HAUS1: variants seen among roughly 807,000 people sequenced by gnomAD.
HAUS1 encodes HAUS augmin like complex subunit 1.
Under a neutral mutation model 38.6 loss-of-function variants are expected in HAUS1, and 25 were observed. The observed-to-expected ratio is 0.65, with a 90% confidence interval of 0.47 to 0.91. The LOEUF (loss-of-function observed/expected upper bound fraction) is 0.91. HAUS1 is among the 40% of genes least tolerant of loss of function. HAUS1 has a pLI of 0.00. For synonymous variants in HAUS1, 109 were observed against 112.9 expected, an observed-to-expected ratio of 0.97 and a Z score of 0.22; for missense variants, 325 against 328.4, an observed-to-expected ratio of 0.99 and a Z score of 0.08.
At chr18:46,124,449 G>GGT (rs1912041314) in intron 6 of HAUS1, among the ~76,000 whole-genome samples, 1 of 150,538 alleles carries the variant, frequency 6.6e-6, no homozygotes, top group African/African-American at 2.5e-5. Context: ...AGCCAGGCAT[G>GGT]GTGGTGCACG....
chr18:46,105,755 T>TA (rs1911454885), intron 2 of HAUS1, among the ~76,000 whole-genome samples: 1 of 151,986 alleles, frequency 6.6e-6, no homozygotes, highest in Non-Finnish European at 1.5e-5. Context: ...CTAATTTTTG[T>TA]GTTTTAGTAA....
At chr18:46,106,351 T>C (rs776019036) in intron 2 of HAUS1, among the ~76,000 whole-genome samples, 1 of 151,756 alleles carries the variant, frequency 6.6e-6, no homozygotes, top group Non-Finnish European at 1.5e-5. Flanking sequence ...CGCCTGTAGT[T>C]CCAGCTGCTC....
At chr18:46,120,957 TAA>T (rs1401736649) in intron 4 of HAUS1, among the ~76,000 whole-genome samples, 1 of 152,182 alleles carries the variant, frequency 6.6e-6, no homozygotes, top group Non-Finnish European at 1.5e-5. Flanking sequence ...TTCTTATACT[TAA>T]AGTCACATTA....
intron 4 of HAUS1, chr18:46,121,847 T>A (rs1179018364): frequency 6.6e-6 from 1 of 151,464 alleles, no homozygotes; most frequent in African/African-American, 2.4e-5. Context: ...TATTTTATTA[T>A]TTTTTTTTAT....
intron 2 of HAUS1, among the ~76,000 whole-genome samples, chr18:46,111,119 C>T (rs191976122): frequency 6.7e-4 from 101 of 151,852 alleles, no homozygotes; most frequent in East Asian, 2.7e-3. Context: ...CCATCCACCT[C>T]GGCCTCTCAA....
At position 46,120,063 on chromosome 18, in the gene HAUS1, A is replaced by G. The variant is rs1911896364; in HGVS notation, c.476+3A>G. The G allele has an allele frequency of 1.9e-6, 3 of 1,584,960 alleles. No homozygotes were observed. The highest frequency in any genetic ancestry group is 1.4e-5 in the African/African-American group (1 of 73,782). ...GTATTAGAAAAATGTCTACAAGAGT[A>G]AGTAATTGAGTTCAGAGTGGTGACA... On this transcript the variant is annotated splice_donor_region_variant and intron_variant, in intron 4 of 8. Transcript: ENST00000282058.
intron 2 of HAUS1, among the ~76,000 whole-genome samples, chr18:46,108,394 C>T (rs1201655603): frequency 6.6e-6 from 1 of 151,648 alleles, no homozygotes; most frequent in African/African-American, 2.4e-5. Flanking sequence ...GCCTCACCCT[C>T]CCAAAGTGCT....
At chr18:46,104,514 T>C (rs1911398231) in intron 1 of HAUS1, 73 bp downstream of exon 1, 1 of 1,266,136 alleles carries the variant, frequency 7.9e-7, no homozygotes, top group Admixed American at 3.1e-5. Context: ...CGACAGCGGG[T>C]CTCCTGTGCG....
Position 46,112,913 on chromosome 18 carries a change from ATATATAATGTG to A in HAUS1, c.206-5261_206-5251del, listed in dbSNP as rs1260799010. Among the ~76,000 whole-genome samples the A allele has an allele frequency of 3.3e-4, 37 of 113,720 alleles. 2 individuals carry two copies. Among genetic ancestry groups the A allele is most frequent in the African/African-American group, 1.3e-3 (35 of 26,626 alleles). 74.6% of individuals were successfully genotyped at this position (113,720 alleles called of 152,430 possible). A position where few individuals can be genotyped will look rare whatever the true frequency, so the allele number is the denominator to read the frequency against. On this transcript the variant is annotated intron_variant, in intron 2 of 8. Coordinates refer to ENST00000282058, the MANE Select transcript of HAUS1 (RefSeq NM_138443.4). ...ATATATTCCATATTATATATATAAT[ATATATAATGTG>A]TATATATTCCATATAATATATATAA...
intron 2 of HAUS1, among the ~76,000 whole-genome samples, chr18:46,116,137 A>G (rs140932872): frequency 2.6e-5 from 4 of 152,058 alleles, no homozygotes; most frequent in Admixed American, 2.0e-4. Context: ...GGGAGGGGGA[A>G]AAAGGAAAGA....
intron 2 of HAUS1, among the ~76,000 whole-genome samples, chr18:46,105,941 G>A (rs1234172486): frequency 6.6e-6 from 1 of 152,096 alleles, no homozygotes. Context: ...TACTCTGATA[G>A]CAAAACAGTA....
chr18:46,121,080 G>A (rs780568618), intron 4 of HAUS1, among the ~76,000 whole-genome samples: 2 of 152,138 alleles, frequency 1.3e-5, no homozygotes, highest in Admixed American at 6.6e-5. Context: ...AGGAGTATGT[G>A]TATATATGCA....
intron 7 of HAUS1, among the ~76,000 whole-genome samples, chr18:46,125,311 G>A (rs915644523): frequency 5.9e-5 from 9 of 151,894 alleles, no homozygotes; most frequent in Non-Finnish European, 8.8e-5. Context: ...AGCACTTTGG[G>A]AGGCCGAGAC....
chr18:46,105,948 A>T (rs1054018499), intron 2 of HAUS1, among the ~76,000 whole-genome samples: 5 of 152,228 alleles, frequency 3.3e-5, no homozygotes, highest in Admixed American at 1.3e-4. Context: ...ATAGCAAAAC[A>T]GTAAGCCTTA....
intron 3 of HAUS1, among the ~76,000 whole-genome samples, chr18:46,119,329 A>G (rs1051681315): frequency 6.9e-6 from 1 of 145,824 alleles, no homozygotes; most frequent in Non-Finnish European, 1.5e-5. Flanking sequence ...CTTGAATTAA[A>G]TAAGTTCAGC....
chr18:46,125,825 TA>T, intron 8 of HAUS1, 34 bp downstream of exon 8: 2 of 1,411,506 alleles, frequency 1.4e-6, no homozygotes, highest in Non-Finnish European at 2.0e-6. Flanking sequence ...CAGATTTTTT[TA>T]AAAAGAAAAT....
Position 46,118,206 on chromosome 18 carries a change from G to A in HAUS1, c.231G>A (p.Met77Ile). Residue 77 changes from methionine (M) to isoleucine (I), a missense_variant, in exon 3 of 9, where the codon ATG becomes ATA. Coordinates refer to ENST00000282058, the MANE Select transcript of HAUS1 (RefSeq NM_138443.4). ...CCAAGTATCTTCAAGACCTTCTCAT[G>A]GAGAGTGTGAATTTTTCCCCCGCCA... Reference protein sequence around the residue: ...SEAKYLQDLLMESVNFSPANL... With the variant: ...SEAKYLQDLLIESVNFSPANL... The A allele has an allele frequency of 6.2e-7, 1 of 1,612,090 alleles. No individual in the cohort carries two copies. Among genetic ancestry groups the A allele is most frequent in the Non-Finnish European group, 8.5e-7 (1 of 1,179,860 alleles).
At chr18:46,106,375 C>A (rs1453492697) in intron 2 of HAUS1, among the ~76,000 whole-genome samples, 1 of 151,210 alleles carries the variant, frequency 6.6e-6, no homozygotes, top group South Asian at 2.1e-4. Context: ...AGGCTGAGGC[C>A]GGAGAATGGC....
At chr18:46,121,845 TA>T (rs1175532644) in intron 4 of HAUS1, 1 of 152,092 alleles carries the variant, frequency 6.6e-6, no homozygotes, top group Non-Finnish European at 1.5e-5. Flanking sequence ...TTTATTTTAT[TA>T]TTTTTTTTTA....
Sources: allele counts gnomAD v4.1 joint callset (sites outside exome capture counted in the v4.1 genomes callset), GRCh38; gene constraint gnomAD v4.1.1; transcripts MANE v1.5; gene names NCBI Gene and HGNC (gene_info 2026-07-23, HGNC 2026-07-21).